Variants in CIT observed in about 807,000 individuals in gnomAD.
CIT encodes the protein citron rho-interacting serine/threonine kinase.
A neutral mutation model predicts 272.7 loss-of-function variants in CIT; 79 were observed. The ratio of observed to expected loss-of-function variants is 0.29; its 90% CI spans 0.24 to 0.35. The LOEUF (loss-of-function observed/expected upper bound fraction) is 0.35, where lower values mean the gene tolerates loss of function less well. CIT is among the 10% of genes least tolerant of loss of function. The pLI, the probability that CIT is intolerant of heterozygous loss-of-function variation, is 1.00. For missense variants in CIT, 1,909 were observed against 2,618.3 expected, an observed-to-expected ratio of 0.73 and a Z score of 5.91; for synonymous variants, 948 against 995.6, an observed-to-expected ratio of 0.95 and a Z score of 0.90.
chr12:119,701,802 A>G, intron 42 of CIT, 48 bp downstream of exon 42: 5 of 1,614,148 alleles, frequency 3.1e-6, no homozygotes, highest in East Asian at 2.2e-5. Context: ...TCTGAGTCTC[A>G]GCGCGGCCTG....
chr12:119,742,275 G>A (rs1455092945), intron 24 of CIT, 136 bp downstream of exon 24: 8 of 579,020 alleles, frequency 1.4e-5, no homozygotes, highest in Admixed American at 1.1e-4. Context: ...CTCCAAATAA[G>A]GTTGATTGCA....
chr12:119,809,238 G>C (rs139034416), intron 9 of CIT, among the ~76,000 whole-genome samples: 2 of 152,284 alleles, frequency 1.3e-5, no homozygotes, highest in East Asian at 3.9e-4. Context: ...TGCTGGGTTA[G>C]TGTCAGTACT....
At chr12:119,692,909 T>A (rs562842743) in intron 46 of CIT, among the ~76,000 whole-genome samples, 82 of 152,324 alleles carry the variant, frequency 5.4e-4, no homozygotes, top group African/African-American at 2.0e-3. Flanking sequence ...GATTTCAACA[T>A]CTTGAAATCA....
In CIT at chr12:119,713,089, T is replaced by C. The variant is rs1957255743; in HGVS notation, c.4579+114A>G. 2.6e-6 allele frequency: 2 copies of C among 773,808 alleles called. No individual in the cohort carries two copies. Among genetic ancestry groups the C allele is most frequent in the Non-Finnish European group, 4.4e-6 (2 of 458,290 alleles). 47.9% of individuals were successfully genotyped at this position (773,808 alleles called of 1,614,324 possible). On this transcript the variant is annotated intron_variant, in intron 35 of 47. Transcript: ENST00000392521. This position sits in a 1 kb window ranked among gnomAD's most constrained non-coding sequence, Gnocchi z 5.2. The stretch of plus-strand genomic sequence containing the variant: ...TCATTTGGTTTGTAAGTTTCAAAAA[T>C]GGAAAAGCGTAGAAGGCTTGCAAGG...
chr12:119,825,561 C>A (rs887283875), intron 7 of CIT, among the ~76,000 whole-genome samples, 193 bp from the exon 8 acceptor site: 11 of 149,194 alleles, frequency 7.4e-5, no homozygotes, highest in Non-Finnish European at 1.5e-5. Context: ...AAAAAGCACA[C>A]AGCATATAAT....
chr12:119,732,641 C>T (rs529314321), intron 26 of CIT, among the ~76,000 whole-genome samples: 1 of 152,332 alleles, frequency 6.6e-6, no homozygotes, highest in East Asian at 1.9e-4. Context: ...TACCTCCAAA[C>T]TTTTGGAGCT....
chr12:119,715,323 A>G (rs1432968314), intron 32 of CIT, among the ~76,000 whole-genome samples: 3 of 152,130 alleles, frequency 2.0e-5, no homozygotes, highest in Non-Finnish European at 4.4e-5. Context: ...CAGATGTGCC[A>G]TCTACACAAT....
chr12:119,834,633 G>C (rs997590704), intron 5 of CIT, among the ~76,000 whole-genome samples: 1 of 152,186 alleles, frequency 6.6e-6, no homozygotes, highest in Non-Finnish European at 1.5e-5. Flanking sequence ...AATACAGAAG[G>C]CTTGCAATAA....
chr12:119,703,937 C>T (rs562210705), intron 41 of CIT, among the ~76,000 whole-genome samples: 2 of 152,314 alleles, frequency 1.3e-5, no homozygotes, highest in South Asian at 4.1e-4. Context: ...CAAAATACTG[C>T]TAGCACTGGT....
rs3999591 is a variant in CIT at position 119,726,011 on chromosome 12, C to CGTGTGTGTGTGTGTGTGT, written c.3591+2473_3591+2490dup. ...TTCCTATGTGTGTTCACCAAATATA[C>CGTGTGTGTGTGTGTGTGT]GTGTGTGTGTGTGTGTGTGTGTGTT... On this transcript the variant is annotated intron_variant, in intron 28 of 47. Transcript: ENST00000392521. 8.8e-3 allele frequency among the ~76,000 whole-genome samples: 1,318 copies of CGTGTGTGTGTGTGTGTGT among 149,998 alleles called. 16 individuals are homozygous for CGTGTGTGTGTGTGTGTGT. Among genetic ancestry groups the CGTGTGTGTGTGTGTGTGT allele is most frequent in the African/African-American group, 0.03 (1,237 of 40,618 alleles).
intron 5 of CIT, among the ~76,000 whole-genome samples, chr12:119,846,242 A>T (rs1263248581): frequency 6.6e-6 from 1 of 152,202 alleles, no homozygotes; most frequent in Non-Finnish European, 1.5e-5. Context: ...ACTGAGCAGT[A>T]GCCTGCCACA....
chr12:119,826,407 T>C (rs932621914), intron 7 of CIT, among the ~76,000 whole-genome samples: 3 of 152,152 alleles, frequency 2.0e-5, no homozygotes, highest in African/African-American at 7.2e-5. Flanking sequence ...GGACTGTCCT[T>C]TTTTTCTGAG....
Position 119,721,267 on chromosome 12 carries a change from G to A in CIT, c.3732+42C>T, listed in dbSNP as rs780289239. 9.0e-6 allele frequency: 14 copies of A among 1,563,256 alleles called. No homozygotes were observed. In the East Asian group the frequency reaches 1.1e-4, roughly 13 times the overall value. ...CAGGCATGAGCCACTGCGCCCAGCC[G>A]TGCAGACCATTTTTAAGCAGATTCC... is the stretch of plus-strand genomic sequence containing the variant. On this transcript the variant is annotated intron_variant, in intron 29 of 47. Transcript: ENST00000392521.
rs1179287981 is a variant in CIT, at chr12:119,874,968, T to TA, written c.96+1104dup. ...ATTATACCCACAGAAATTGTAGTTT[T>TA]AAAAAGCATCTTTGTTCATTTATTT... On this transcript the variant is annotated intron_variant, in intron 2 of 47. Transcript: ENST00000392521. Among the ~76,000 whole-genome samples the TA allele has an allele frequency of 4.6e-5, 7 of 152,116 alleles. No homozygotes were observed. The East Asian group carries it at 1.3e-3, about 29-fold the overall frequency.
At chr12:119,857,253 T>A (rs1303925232) in intron 4 of CIT, among the ~76,000 whole-genome samples, 1 of 152,206 alleles carries the variant, frequency 6.6e-6, no homozygotes, top group Non-Finnish European at 1.5e-5. Flanking sequence ...CTTAAATTCA[T>A]TAGCTAAAAG....
intron 2 of CIT, among the ~76,000 whole-genome samples, chr12:119,874,804 T>G (rs1950791165): frequency 6.7e-6 from 1 of 150,002 alleles, no homozygotes; most frequent in African/African-American, 2.5e-5. Context: ...GAGAATGGCG[T>G]GAACCCCGGG....
intron 2 of CIT, 25 bp downstream of exon 2, chr12:119,876,048 C>G: frequency 2.6e-6 from 4 of 1,514,714 alleles, no homozygotes; most frequent in Non-Finnish European, 3.7e-6. Flanking sequence ...CACAGGTGAG[C>G]AAAGTTGGCA....
chr12:119,831,175 C>T (rs1451809282), intron 7 of CIT, among the ~76,000 whole-genome samples: 1 of 152,124 alleles, frequency 6.6e-6, no homozygotes, highest in African/African-American at 2.4e-5. Context: ...ATGTTTAATC[C>T]TAAGTGATAA....
chr12:119,826,797 A>G (rs17527347), intron 7 of CIT, among the ~76,000 whole-genome samples: 2,359 of 152,328 alleles, frequency 0.015, 31 homozygotes, highest in Non-Finnish European at 0.02. Context: ...TTTGTGGGTA[A>G]GTCCACATAC....
Sources: allele counts gnomAD v4.1 joint callset (sites outside exome capture counted in the v4.1 genomes callset), GRCh38; gene constraint gnomAD v4.1.1; non-coding constraint Gnocchi (gnomAD v3.1); transcripts MANE v1.5; gene names NCBI Gene and HGNC (gene_info 2026-07-23, HGNC 2026-07-21).